Variants in TRHDE observed in about 807,000 individuals in gnomAD.
The protein encoded by TRHDE is thyrotropin-releasing hormone-degrading ectoenzyme.
Under a neutral mutation model 125.7 loss-of-function variants are expected in TRHDE, and 72 were observed. The observed-to-expected ratio is 0.57, with a 90% CI of 0.47 to 0.70. The LOEUF (loss-of-function observed/expected upper bound fraction) is 0.70, where lower values mean the gene tolerates loss of function less well. TRHDE is among the 30% of genes least tolerant of loss of function. The pLI is 0.00. For synonymous variants in TRHDE, 509 were observed against 509.1 expected (o/e 1.00, Z 0.00); for missense variants, 1,110 against 1,327.1 (o/e 0.84, Z 2.54).
chr12:72,461,467 T>C (rs1306339250), intron 3 of TRHDE, among the ~76,000 whole-genome samples: 2 of 152,196 alleles, frequency 1.3e-5, no homozygotes, highest in African/African-American at 4.8e-5. Context: ...AATTTTATCT[T>C]ATTAATATTA....
intron 12 of TRHDE, among the ~76,000 whole-genome samples, chr12:72,591,136 C>T (rs1420924619): frequency 6.6e-6 from 1 of 152,134 alleles, no homozygotes; most frequent in African/African-American, 2.4e-5. Flanking sequence ...TCTTATGAGA[C>T]TTATTCACTA....
At chr12:72,257,523 C>T (rs1236820769) in intron 2 of TRHDE, 2 of 152,082 alleles carry the variant, frequency 1.3e-5, no homozygotes, top group East Asian at 1.9e-4. Context: ...TGATATTTCC[C>T]CAGTTTCTGT....
At chr12:72,564,217 T>C (rs1282361276) in intron 9 of TRHDE, among the ~76,000 whole-genome samples, 1 of 152,150 alleles carries the variant, frequency 6.6e-6, no homozygotes, top group East Asian at 1.9e-4. Context: ...CCTGCCACAC[T>C]CTCACCACCT....
chr12:72,116,408 T>TAGATACTTGA (rs1875444798), intron 2 of TRHDE, among the ~76,000 whole-genome samples: 1 of 152,190 alleles, frequency 6.6e-6, no homozygotes, highest in African/African-American at 2.4e-5. Flanking sequence ...ATGGTATTTC[T>TAGATACTTGA]GGTTCTAGAT....
chr12:72,518,531 G>T (rs1231071508), intron 6 of TRHDE, among the ~76,000 whole-genome samples: 1 of 152,098 alleles, frequency 6.6e-6, no homozygotes, highest in Non-Finnish European at 1.5e-5. Context: ...TTTTGAGCCT[G>T]TGTGTGTCTC....
At chr12:72,477,417 A>C (rs569391241) in intron 5 of TRHDE, among the ~76,000 whole-genome samples, 1 of 152,338 alleles carries the variant, frequency 6.6e-6, no homozygotes, top group South Asian at 2.1e-4. Context: ...CATAAGCCTT[A>C]GATAATGTTT....
At chr12:72,139,023 A>C (rs73349010) in intron 2 of TRHDE, among the ~76,000 whole-genome samples, 174 of 152,336 alleles carry the variant, frequency 1.1e-3, no homozygotes, top group African/African-American at 4.0e-3. Context: ...TTACTTCAGA[A>C]AGAGAATGGA....
In TRHDE at chr12:72,392,382, T is replaced by A. The variant is rs560603717; in HGVS notation, c.1315+14261T>A. On this transcript the variant is annotated intron_variant, in intron 3 of 18. Transcript: ENST00000261180. ...ATTTTGTCCGAATTACTTTGATAAT[T>A]TCAGAAGAAATTATTGATCTACTTC... 5.9e-5 allele frequency among the ~76,000 whole-genome samples: 9 copies of A among 152,300 alleles called. No individual in the cohort carries two copies. In the South Asian group the frequency reaches 1.9e-3, roughly 32 times the overall value.
intron 15 of TRHDE, among the ~76,000 whole-genome samples, chr12:72,628,855 C>A (rs1384279816): frequency 3.3e-5 from 5 of 151,776 alleles, no homozygotes; most frequent in Non-Finnish European, 7.4e-5. Context: ...TGAATATAGA[C>A]AAGAACTTTT....
At chr12:72,643,922 C>T (rs568246795) in intron 15 of TRHDE, among the ~76,000 whole-genome samples, 1 of 152,164 alleles carries the variant, frequency 6.6e-6, no homozygotes, top group African/African-American at 2.4e-5. Context: ...GTTCAACTCT[C>T]AGAAGATTAT....
At chr12:72,422,828 T>C (rs1372008112) in intron 3 of TRHDE, among the ~76,000 whole-genome samples, 2 of 152,178 alleles carry the variant, frequency 1.3e-5, no homozygotes, top group Non-Finnish European at 2.9e-5. Flanking sequence ...TCATGAGGGC[T>C]CTTTCATTAT....
At chr12:72,421,272 G>T (rs968311675) in intron 3 of TRHDE, among the ~76,000 whole-genome samples, 3 of 152,150 alleles carry the variant, frequency 2.0e-5, no homozygotes, top group African/African-American at 7.2e-5. Flanking sequence ...TCACTTGGGA[G>T]ATCCTAGGGC....
chr12:72,508,765 A>G (rs1033052331), intron 6 of TRHDE, among the ~76,000 whole-genome samples: 2 of 152,118 alleles, frequency 1.3e-5, no homozygotes, highest in African/African-American at 4.8e-5. Context: ...TGCAATCCCC[A>G]GTGTTGGAGG....
chr12:72,247,048 G>A (rs937750871), intron 2 of TRHDE, among the ~76,000 whole-genome samples: 1 of 152,142 alleles, frequency 6.6e-6, no homozygotes, highest in Non-Finnish European at 1.5e-5. Flanking sequence ...ATCCATGGGG[G>A]ATTTATTCCA....
rs1346071606 is a variant in TRHDE, at chr12:72,568,599, G to A, written c.2074G>A (p.Val692Ile). Residue 692 changes from valine (V) to isoleucine (I), a missense_variant, in exon 10 of 19, where the codon GTA becomes ATA. Physicochemically the swap from Val to Ile is conservative, Grantham distance 29. Around this residue, in one of 5 missense-constraint regions of TRHDE, gnomAD observed 527 missense variants for 651.8 expected, o/e 0.81. Transcript: ENST00000261180. ...GTGGCAGATTCCATTAACTATTGTG[G>A]TAGGAAATAGAAGCCATGTGTCTTC... ...YLWQIPLTIV[V>I]GNRSHVSSEA... 6.2e-7 allele frequency: 1 copy of A among 1,611,934 alleles called. No individual in the cohort carries two copies. The highest frequency in any genetic ancestry group is 1.1e-5 in the South Asian group (1 of 90,866).
At chr12:72,115,628 G>A (rs554526131) in intron 2 of TRHDE, among the ~76,000 whole-genome samples, 75 of 152,158 alleles carry the variant, frequency 4.9e-4, no homozygotes, top group Non-Finnish European at 1.0e-3. Context: ...TCTCCAAAAT[G>A]TTTTCCCCAG....
At chr12:72,652,908 G>C (rs909983073) in intron 16 of TRHDE, 108 bp from the exon 17 acceptor site, 2 of 821,452 alleles carry the variant, frequency 2.4e-6, no homozygotes, top group Admixed American at 6.0e-5. Flanking sequence ...GATTGCACTA[G>C]ACTATTCTTT....
chr12:72,375,525 C>T (rs1275450058), intron 2 of TRHDE, among the ~76,000 whole-genome samples: 1 of 152,122 alleles, frequency 6.6e-6, no homozygotes, highest in African/African-American at 2.4e-5. Flanking sequence ...CCACCAAAAA[C>T]AGGGAAGCGT....
intron 6 of TRHDE, among the ~76,000 whole-genome samples, chr12:72,526,430 T>G (rs1473059371): frequency 6.6e-6 from 1 of 152,182 alleles, no homozygotes; most frequent in Non-Finnish European, 1.5e-5. Context: ...CCAGCTTCTT[T>G]GGGCTTGGTT....
Sources: allele counts gnomAD v4.1 joint callset (sites outside exome capture counted in the v4.1 genomes callset), GRCh38; gene constraint gnomAD v4.1.1; regional missense constraint gnomAD v4.1.1; transcripts MANE v1.5; gene names NCBI Gene and HGNC (gene_info 2026-07-23, HGNC 2026-07-21).